The following MLH3 variants were observed in gnomAD, a reference collection of about 807,000 sequenced individuals.
MLH3 encodes the protein mutL homolog 3.
Under a neutral mutation model 122.2 loss-of-function variants are expected in MLH3, and 82 were observed. That is an observed-to-expected ratio of 0.67 (90% CI 0.56 to 0.81). MLH3 has a LOEUF of 0.81. Ranked by LOEUF, MLH3 falls within the 30% of genes least tolerant of loss-of-function variation. The pLI is 0.00. For missense variants in MLH3, 1,539 were observed against 1,714.5 expected (o/e 0.90, Z 1.81); for synonymous variants, 524 against 599.5 (o/e 0.87, Z 1.84).
At chr14:75,023,759 A>G (rs1890441190) in intron 9 of MLH3, among the ~76,000 whole-genome samples, 1 of 152,248 alleles carries the variant, frequency 6.6e-6, no homozygotes. Context: ...TTTCTTTATA[A>G]GAAAATCATT....
intron 8 of MLH3, among the ~76,000 whole-genome samples, 199 bp from the exon 9 acceptor site, chr14:75,030,901 T>C (rs1364111617): frequency 6.6e-6 from 1 of 152,260 alleles, no homozygotes; most frequent in Non-Finnish European, 1.5e-5. Context: ...GTAACCTTTA[T>C]TGTTTTTCTC....
At chr14:75,039,499 C>A (rs926785025) in intron 5 of MLH3, among the ~76,000 whole-genome samples, 3 of 151,952 alleles carry the variant, frequency 2.0e-5, no homozygotes, top group Non-Finnish European at 4.4e-5. Context: ...TGTAGGCTCA[C>A]ACAATAGAAG....
rs375623365 is a variant in MLH3, at chr14:75,047,431, C to T, written c.2225G>A (p.Arg742His). Reference protein sequence around the residue: ...KLIGFSKPIVRKKLSLSSQLG... With the variant: ...KLIGFSKPIVHKKLSLSSQLG... ...CTGTGAACTCAAGCTTAGCTTCTTA[C>T]GGACGATTGGTTTGGAGAAACCAAT... The change falls in exon 2 of 13, where the codon CGT (arginine) becomes CAT (histidine). Residue 742 changes from arginine to histidine, a missense_variant. Arg to His is a conservative substitution (Grantham distance 29). Coordinates refer to ENST00000355774, the MANE Select transcript of MLH3 (RefSeq NM_001040108.2). 25 of 1,613,962 alleles carry T rather than the reference C, an allele frequency of 1.5e-5. No individual in the cohort carries two copies. The highest frequency in any genetic ancestry group is 8.3e-5 in the Admixed American group (5 of 60,006).
At chr14:75,046,258 G>A in intron 2 of MLH3, 118 bp downstream of exon 2, 1 of 976,464 alleles carries the variant, frequency 1.0e-6, no homozygotes, top group Non-Finnish European at 1.6e-6. Flanking sequence ...TGTTTTATAA[G>A]TGGTCTTCAA....
chr14:75,039,682 A>G (rs1039266115), intron 5 of MLH3, among the ~76,000 whole-genome samples: 4 of 151,528 alleles, frequency 2.6e-5, no homozygotes, highest in Non-Finnish European at 4.4e-5. Flanking sequence ...ACCTACTTAC[A>G]CTACTAAAGA....
At chr14:75,038,542 G>C in intron 5 of MLH3, 130 bp from the exon 6 acceptor site, 1 of 701,664 alleles carries the variant, frequency 1.4e-6, no homozygotes, top group East Asian at 2.8e-5. Flanking sequence ...TTGAGACTGG[G>C]TAAGGTTCTG....
intron 9 of MLH3, among the ~76,000 whole-genome samples, chr14:75,024,612 A>G (rs1446958238): frequency 6.6e-6 from 1 of 152,220 alleles, no homozygotes; most frequent in Non-Finnish European, 1.5e-5. Context: ...ACCAGGCTAG[A>G]AGATAGAGCT....
chr14:75,029,422 A>G (rs571991528), intron 9 of MLH3, among the ~76,000 whole-genome samples: 3 of 152,264 alleles, frequency 2.0e-5, no homozygotes, highest in South Asian at 2.1e-4. Flanking sequence ...AATTTGAGCC[A>G]TATCTATTGA....
intron 8 of MLH3, 135 bp from the exon 9 acceptor site, chr14:75,030,837 C>G (rs940825365): frequency 6.9e-6 from 5 of 722,432 alleles, no homozygotes; most frequent in Non-Finnish European, 1.2e-5. Flanking sequence ...TTTTCTCACA[C>G]TTATGTGTGG....
intron 11 of MLH3, among the ~76,000 whole-genome samples, chr14:75,019,661 A>G (rs1299418852): frequency 6.6e-6 from 1 of 152,104 alleles, no homozygotes; most frequent in Non-Finnish European, 1.5e-5. Context: ...TTCTCCATGG[A>G]TCGTCCAATA....
In MLH3 at chr14:75,014,651, GT is replaced by G; in HGVS notation, c.*2430del. 1 of 206,128 alleles carries G rather than the reference GT, an allele frequency of 4.9e-6. No individual in the cohort carries two copies. Among genetic ancestry groups the G allele is most frequent in the Non-Finnish European group, 9.9e-6 (1 of 100,714 alleles). The allele number at this position is 206,128 out of a possible 1,614,324, so 12.8% of individuals were successfully genotyped here. On this transcript the variant is annotated 3_prime_UTR_variant, in exon 13 of 13. Coordinates refer to ENST00000355774, the MANE Select transcript of MLH3 (RefSeq NM_001040108.2). ...AGGAACCTTCACTTCTCAATGAAGT[GT>G]TGATGAATGTTACAGAAAAAGGAAC...
chr14:75,024,827 A>C (rs1187536083), intron 9 of MLH3, among the ~76,000 whole-genome samples: 4 of 152,222 alleles, frequency 2.6e-5, no homozygotes, highest in African/African-American at 9.6e-5. Flanking sequence ...AAGTTCCTTC[A>C]GGAAAAGTTT....
At chr14:75,029,631 G>A (rs1327147830) in intron 9 of MLH3, among the ~76,000 whole-genome samples, 3 of 151,850 alleles carry the variant, frequency 2.0e-5, no homozygotes, top group Admixed American at 1.3e-4. Context: ...CGCCTCCCAG[G>A]TTCAAGCCAT....
At chr14:75,046,094 C>T (rs1381370248) in intron 2 of MLH3, among the ~76,000 whole-genome samples, 5 of 150,750 alleles carry the variant, frequency 3.3e-5, no homozygotes, top group Admixed American at 6.7e-5. Flanking sequence ...GCAGGAGAAT[C>T]GCTTGAACCA....
At chr14:75,045,043 A>G in intron 2 of MLH3, among the ~76,000 whole-genome samples, 1 of 152,150 alleles carries the variant, frequency 6.6e-6, no homozygotes, top group East Asian at 1.9e-4. Context: ...TCTAAAAGCT[A>G]TATTGGTTGG....
chr14:75,046,233 T>C (rs1234651195), intron 2 of MLH3, 143 bp downstream of exon 2: 1 of 820,578 alleles, frequency 1.2e-6, no homozygotes, highest in Non-Finnish European at 2.0e-6. Flanking sequence ...TCATATAGCA[T>C]GAAAATACAA....
In MLH3 at chr14:75,049,034, A is replaced by G. The variant is rs770150549; in HGVS notation, c.622T>C (p.Cys208Arg). 3 of 1,614,184 alleles carry G rather than the reference A, an allele frequency of 1.9e-6. No individual in the cohort carries two copies. In the South Asian group the frequency reaches 3.3e-5, roughly 18 times the overall value. Residue 208 changes from cysteine (C) to arginine (R), a missense_variant, in exon 2 of 13, where the codon TGT (cysteine) becomes CGT (arginine). Coordinates refer to ENST00000355774, the MANE Select transcript of MLH3 (RefSeq NM_001040108.2). ...VLQLPKTKDV[C>R]SRFCQIYGLG... ...CCATAAATTTGACAAAATCGGGAAC[A>G]TACGTCTTTGGTTTTAGGGAGCTGA...
At chr14:75,021,916 C>T (rs1342498558) in intron 11 of MLH3, among the ~76,000 whole-genome samples, 4 of 152,196 alleles carry the variant, frequency 2.6e-5, no homozygotes, top group Non-Finnish European at 5.9e-5. Flanking sequence ...ATAGCAAAGA[C>T]ATGGAATCAA....
intron 9 of MLH3, among the ~76,000 whole-genome samples, chr14:75,024,195 T>TTTAG (rs1348145589): frequency 1.3e-5 from 2 of 152,326 alleles, no homozygotes; most frequent in African/African-American, 4.8e-5. Flanking sequence ...TATTTATTTA[T>TTTAG]TTAGTTAGTT....
Sources: allele counts gnomAD v4.1 joint callset (sites outside exome capture counted in the v4.1 genomes callset), GRCh38; gene constraint gnomAD v4.1.1; transcripts MANE v1.5; gene names NCBI Gene and HGNC (gene_info 2026-07-23, HGNC 2026-07-21).